ANAPC1: variants seen among roughly 807,000 people sequenced by gnomAD.
ANAPC1 encodes anaphase-promoting complex subunit 1.
A neutral mutation model predicts 208.0 loss-of-function variants in ANAPC1; 36 were observed. That is an observed-to-expected ratio of 0.17 (90% CI 0.13 to 0.23). The LOEUF (loss-of-function observed/expected upper bound fraction) is 0.23. Ranked by LOEUF, ANAPC1 falls within the 10% of genes least tolerant of loss-of-function variation. The pLI is 1.00. For synonymous variants in ANAPC1, 378 were observed against 695.2 expected, an observed-to-expected ratio of 0.54 and a Z score of 7.18; for missense variants, 942 against 2,011.6, an observed-to-expected ratio of 0.47 and a Z score of 10.17.
At chr2:111,856,745 G>A (rs1185522206) in intron 12 of ANAPC1, 51 bp downstream of exon 12, 15 of 1,612,312 alleles carry the variant, frequency 9.3e-6, no homozygotes, top group Non-Finnish European at 1.2e-5. Flanking sequence ...TTTTTTGACT[G>A]AAAAATCTGT....
intron 38 of ANAPC1, among the ~76,000 whole-genome samples, chr2:111,791,573 C>T (rs945993486): frequency 7.9e-5 from 12 of 152,114 alleles, no homozygotes; most frequent in Non-Finnish European, 1.5e-4. Context: ...TGTAATACAA[C>T]ACTGAAACTT....
chr2:111,768,163 C>G lies in ANAPC1; in HGVS notation c.*1128G>C, dbSNP rs2104446245. Reference sequence around the variant, plus strand: ...CACAGGACACATATCAGCATCTGAACAGCAGGGAGCATTCTTCCTCCTGTG... The same window carrying G: ...CACAGGACACATATCAGCATCTGAAGAGCAGGGAGCATTCTTCCTCCTGTG... On this transcript the variant is annotated 3_prime_UTR_variant, in exon 48 of 48. Coordinates refer to ENST00000341068, the MANE Select transcript of ANAPC1 (RefSeq NM_022662.4). The G allele has an allele frequency of 6.6e-6, 1 of 152,362 alleles. No individual in the cohort carries two copies. The highest frequency in any genetic ancestry group is 1.5e-5 in the Non-Finnish European group (1 of 68,044). 9.4% of individuals were successfully genotyped at this position (152,362 alleles called of 1,614,324 possible).
chr2:111,838,928 G>A (rs1242641672), intron 17 of ANAPC1, among the ~76,000 whole-genome samples: 1 of 151,342 alleles, frequency 6.6e-6, no homozygotes, highest in Non-Finnish European at 1.5e-5. Flanking sequence ...TCCACCTACA[G>A]TAAACTATCT....
intron 17 of ANAPC1, among the ~76,000 whole-genome samples, chr2:111,841,155 T>C (rs555235251): frequency 6.6e-6 from 1 of 152,148 alleles, no homozygotes; most frequent in Non-Finnish European, 1.5e-5. Context: ...TTAAAAACAG[T>C]ATCTCACTCA....
chr2:111,816,380 T>C (rs1369082302), intron 27 of ANAPC1, among the ~76,000 whole-genome samples: 2 of 151,920 alleles, frequency 1.3e-5, no homozygotes, highest in East Asian at 1.9e-4. Context: ...CATACAGATA[T>C]AGATATCTAA....
chr2:111,826,764 G>A (rs1285216726), intron 21 of ANAPC1, among the ~76,000 whole-genome samples: 2 of 151,448 alleles, frequency 1.3e-5, no homozygotes, highest in African/African-American at 2.4e-5. Context: ...GGGTTCAAGC[G>A]ATTCTCCCAC....
chr2:111,858,355 A>G lies in ANAPC1; in HGVS notation c.1309T>C (p.Cys437Arg), dbSNP rs903785735. The G allele has an allele frequency of 8.1e-6, 13 of 1,613,766 alleles. No individual in the cohort carries two copies. In the Admixed American group the frequency reaches 1.2e-4, roughly 14 times the overall value. ...ASKVFITSDL[C>R]GQKFLCFLVE... The stretch of plus-strand genomic sequence containing the variant: ...AAAAAGCACAGGAACTTTTGCCCAC[A>G]TAGGTCAGATGTAATAAACACTTTT... Residue 437 changes from cysteine to arginine, a missense_variant, in exon 11 of 48, where the codon TGT becomes CGT. Transcript: ENST00000341068.
chr2:111,877,647 G>C (rs1351873743), intron 3 of ANAPC1, among the ~76,000 whole-genome samples: 3 of 152,058 alleles, frequency 2.0e-5, no homozygotes, highest in Non-Finnish European at 4.4e-5. Context: ...AGCCGGGTGT[G>C]GTGGCGGGCA....
chr2:111,781,515 A>AT (rs1677272840), intron 43 of ANAPC1, among the ~76,000 whole-genome samples: 1 of 152,294 alleles, frequency 6.6e-6, no homozygotes, highest in Non-Finnish European at 1.5e-5. Context: ...TATGAGTTGA[A>AT]TTAAAATAAA....
intron 25 of ANAPC1, 116 bp from the exon 26 acceptor site, chr2:111,821,569 T>C (rs1573392274): frequency 8.4e-7 from 1 of 1,184,408 alleles, no homozygotes; most frequent in East Asian, 2.5e-5. Context: ...GAAAATATGT[T>C]TTCCAAAGCA....
intron 17 of ANAPC1, among the ~76,000 whole-genome samples, chr2:111,841,609 A>G (rs1448569055): frequency 2.6e-5 from 4 of 152,152 alleles, no homozygotes; most frequent in African/African-American, 9.7e-5. Context: ...GCATTAAGAA[A>G]TAAGAGCAGG....
intron 7 of ANAPC1, among the ~76,000 whole-genome samples, 167 bp from the exon 8 acceptor site, chr2:111,865,118 C>A (rs1226506889): frequency 6.6e-6 from 1 of 151,408 alleles, no homozygotes; most frequent in South Asian, 2.1e-4. Context: ...AATAAATTTA[C>A]TTTAGGCATC....
chr2:111,825,080 T>C, intron 23 of ANAPC1, 44 bp from the exon 24 acceptor site: 1 of 1,613,794 alleles, frequency 6.2e-7, no homozygotes. Context: ...GAACAGTAAA[T>C]AATATTGTTT....
At chr2:111,867,890 A>T in intron 7 of ANAPC1, 133 bp downstream of exon 7, 1 of 550,132 alleles carries the variant, frequency 1.8e-6, no homozygotes, top group Non-Finnish European at 3.1e-6. Context: ...CAAGAAAGTC[A>T]AAATAGAAGT....
chr2:111,779,939 T>C (rs1213704308), intron 44 of ANAPC1: 3 of 267,650 alleles, frequency 1.1e-5, no homozygotes, highest in African/African-American at 7.0e-5. Flanking sequence ...AGCAGGGTTA[T>C]AATATACAGA....
intron 28 of ANAPC1, among the ~76,000 whole-genome samples, chr2:111,812,226 G>A (rs1573375419): frequency 7.5e-6 from 1 of 133,574 alleles, no homozygotes; most frequent in Middle Eastern, 3.6e-3. Flanking sequence ...TTAATCAAAT[G>A]TCTGAGCTTT....
chr2:111,841,038 G>A (rs558309606), intron 17 of ANAPC1, among the ~76,000 whole-genome samples: 19 of 152,158 alleles, frequency 1.2e-4, no homozygotes, highest in Middle Eastern at 3.4e-3. Context: ...GCGAAACCCC[G>A]TCTTAAAAAA....
Position 111,810,446 on chromosome 2 carries a change from T to TA in ANAPC1, c.3598-1266dup, listed in dbSNP as rs568524308. Among the ~76,000 whole-genome samples, 228 of 152,288 alleles carry TA rather than the reference T, an allele frequency of 1.5e-3. 2 individuals are homozygous for TA. The South Asian group carries it at 0.023, about 16-fold the overall frequency. The stretch of plus-strand genomic sequence containing the variant: ...CTAAAAACCACTGTACCACATACTT[T>TA]AAACAGTGAATTGTATGGTATGTGA... On this transcript the variant is annotated intron_variant, in intron 28 of 47. Coordinates refer to ENST00000341068, the MANE Select transcript of ANAPC1 (RefSeq NM_022662.4).
chr2:111,853,992 A>G (rs1209271672), intron 13 of ANAPC1, among the ~76,000 whole-genome samples: 1 of 152,194 alleles, frequency 6.6e-6, no homozygotes, highest in South Asian at 2.1e-4. Context: ...CTAGGATTAC[A>G]GGTGTGAGCT....
Sources: gnomAD v4.1 joint callset for allele counts (sites outside exome capture counted in the v4.1 genomes callset) on GRCh38, gnomAD v4.1.1 for gene constraint, MANE v1.5 for transcripts, NCBI Gene and HGNC (gene_info 2026-07-23, HGNC 2026-07-21) for gene names.